CNTNAP3B: variants seen among roughly 807,000 people sequenced by gnomAD.
The protein encoded by CNTNAP3B is contactin-associated protein-like 3B.
A neutral mutation model predicts 108.9 loss-of-function variants in CNTNAP3B; 25 were observed. The ratio of observed to expected loss-of-function variants is 0.23; its 90% CI spans 0.17 to 0.32. The LOEUF is 0.32. Among genes scored for constraint, CNTNAP3B ranks in the 10% least tolerant of loss-of-function variants. The pLI, the probability that CNTNAP3B is intolerant of heterozygous loss-of-function variation, is 1.00. For missense variants in CNTNAP3B, 252 were observed against 1,210.4 expected (o/e 0.21, Z 11.75); for synonymous variants, 103 against 473.4 (o/e 0.22, Z 10.16).
chr9:41,957,696 G>T (rs1824904217), intron 12 of CNTNAP3B, among the ~76,000 whole-genome samples: 1 of 152,094 alleles, frequency 6.6e-6, no homozygotes, highest in Non-Finnish European at 1.5e-5. Flanking sequence ...GTTGTTTAAA[G>T]TCCTGGTCTG....
chr9:41,964,713 A>C, intron 10 of CNTNAP3B, 69 bp from the exon 11 acceptor site: 3 of 1,538,320 alleles, frequency 2.0e-6, no homozygotes. Context: ...CTTACCAAAA[A>C]CAGGTTAATG....
chr9:42,054,586 A>C (rs1478895026), intron 3 of CNTNAP3B, among the ~76,000 whole-genome samples: 1 of 151,698 alleles, frequency 6.6e-6, no homozygotes, highest in Non-Finnish European at 1.5e-5. Flanking sequence ...ACTCTTAGCC[A>C]GGTGCTGTCT....
intron 3 of CNTNAP3B, among the ~76,000 whole-genome samples, chr9:42,024,763 C>A (rs1456550893): frequency 6.9e-6 from 1 of 144,220 alleles, no homozygotes; most frequent in Non-Finnish European, 1.5e-5. Context: ...TCAAAGGTTT[C>A]CTCATTATGT....
At chr9:41,936,031 A>G (rs1824146445) in intron 14 of CNTNAP3B, among the ~76,000 whole-genome samples, 1 of 152,370 alleles carries the variant, frequency 6.6e-6, no homozygotes, top group Admixed American at 6.5e-5. Flanking sequence ...GAAGTCTACA[A>G]TAAAGTATGC....
chr9:42,082,848 A>G (rs1231854144), intron 2 of CNTNAP3B, among the ~76,000 whole-genome samples: 1 of 141,754 alleles, frequency 7.1e-6, no homozygotes, highest in African/African-American at 2.8e-5. Flanking sequence ...CATATAAACA[A>G]TCATATTAAA....
chr9:41,917,148 T>C (rs1421105447), intron 18 of CNTNAP3B, among the ~76,000 whole-genome samples: 1 of 151,928 alleles, frequency 6.6e-6, no homozygotes, highest in African/African-American at 2.4e-5. Context: ...TCTCCTGGTA[T>C]TTTCAATTAC....
chr9:42,035,577 T>C (rs961963189), intron 3 of CNTNAP3B, among the ~76,000 whole-genome samples: 4 of 148,136 alleles, frequency 2.7e-5, no homozygotes, highest in African/African-American at 7.6e-5. Flanking sequence ...ATAGTATATA[T>C]TTCAGAGTGA....
At chr9:42,109,961 AAC>A (rs1828160391) in intron 1 of CNTNAP3B, among the ~76,000 whole-genome samples, 1 of 138,856 alleles carries the variant, frequency 7.2e-6, no homozygotes, top group Non-Finnish European at 1.5e-5. Flanking sequence ...GCACACGGGC[AAC>A]CACAGGAAGC....
At chr9:41,966,219 G>A (rs1825269947) in intron 10 of CNTNAP3B, among the ~76,000 whole-genome samples, 1 of 152,244 alleles carries the variant, frequency 6.6e-6, no homozygotes, top group African/African-American at 2.4e-5. Context: ...TAATATAATG[G>A]AGCATCTTAA....
rs185785009 is a variant in CNTNAP3B at position 42,097,148 on chromosome 9, C to T, written c.196+7481G>A. On this transcript the variant is annotated intron_variant, in intron 2 of 23. Coordinates refer to ENST00000377561, the MANE Select transcript of CNTNAP3B (RefSeq NM_001201380.3). ...TTTCACTCATAAAATTCACCAAGTT[C>T]ACATTGGAAAACATTATTCTATGGT... is the stretch of plus-strand genomic sequence containing the variant. Among the ~76,000 whole-genome samples the T allele has an allele frequency of 4.4e-3, 615 of 140,178 alleles. 43 individuals carry two copies. The highest frequency in any genetic ancestry group is 6.6e-3 in the Non-Finnish European group (431 of 65,136). The allele number at this position is 140,178 out of a possible 152,430, so 92.0% of individuals were successfully genotyped here.
chr9:41,943,165 AC>A (rs1824413527), intron 13 of CNTNAP3B, among the ~76,000 whole-genome samples: 1 of 152,292 alleles, frequency 6.6e-6, no homozygotes, highest in African/African-American at 2.4e-5. Context: ...AGAAGGAAAT[AC>A]AGAGATTAAA....
chr9:42,116,773 A>G (rs1828328470), intron 1 of CNTNAP3B, among the ~76,000 whole-genome samples: 1 of 139,428 alleles, frequency 7.2e-6, no homozygotes, highest in Non-Finnish European at 1.5e-5. Context: ...TGTATTCAGC[A>G]GACCCTGCTC....
chr9:41,914,471 ACTCT>A (rs1823476446), intron 18 of CNTNAP3B, among the ~76,000 whole-genome samples: 1 of 151,822 alleles, frequency 6.6e-6, no homozygotes, highest in African/African-American at 2.4e-5. Flanking sequence ...TTGTCTTTTT[ACTCT>A]CTTGATAGTG....
intron 1 of CNTNAP3B, among the ~76,000 whole-genome samples, chr9:42,117,193 A>G (rs1314118694): frequency 7.4e-6 from 1 of 134,742 alleles, no homozygotes; most frequent in Non-Finnish European, 1.6e-5. Context: ...CATCTACAGA[A>G]CTCTCCACCC....
intron 3 of CNTNAP3B, among the ~76,000 whole-genome samples, chr9:42,056,327 TTATTATTATTA>T (rs201653145): frequency 2.1e-4 from 5 of 23,344 alleles, no homozygotes; most frequent in African/African-American, 4.8e-4. Flanking sequence ...CTCATGAATT[TTATTATTATTA>T]TTATTATTAT....
Position 41,983,219 on chromosome 9 carries a change from T to A in CNTNAP3B, c.1477+2949A>T, listed in dbSNP as rs1431421921. 9.9e-4 allele frequency: 135 copies of A among 136,336 alleles called. 30 individuals carry two copies. Among genetic ancestry groups the A allele is most frequent in the African/African-American group, 3.6e-3 (122 of 34,156 alleles). 8.4% of individuals were successfully genotyped at this position (136,336 alleles called of 1,614,324 possible). On this transcript the variant is annotated intron_variant, in intron 9 of 23. Transcript: ENST00000377561. ...TAAGTTTAAAAAAAAAAGAGAAGCA[T>A]CACGTATTTTCTGTAGGAAATGGGA...
At chr9:42,111,464 C>T (rs1355491858) in intron 1 of CNTNAP3B, among the ~76,000 whole-genome samples, 1 of 138,298 alleles carries the variant, frequency 7.2e-6, no homozygotes, top group Non-Finnish European at 1.5e-5. Context: ...TAGTCACGCT[C>T]CTAAGCTGGT....
intron 1 of CNTNAP3B, among the ~76,000 whole-genome samples, chr9:42,118,272 C>T (rs1262151635): frequency 2.2e-5 from 3 of 139,270 alleles, no homozygotes; most frequent in Non-Finnish European, 4.6e-5. Flanking sequence ...ATGCAAAAAT[C>T]CTCAATAAAA....
intron 10 of CNTNAP3B, among the ~76,000 whole-genome samples, chr9:41,969,478 A>C (rs1427643319): frequency 1.4e-5 from 2 of 144,074 alleles, no homozygotes; most frequent in Admixed American, 7.0e-5. Flanking sequence ...CATCCAACTG[A>C]TGGGTGTGTG....
Sources: gnomAD v4.1 joint callset for allele counts (sites outside exome capture counted in the v4.1 genomes callset) on GRCh38, gnomAD v4.1.1 for gene constraint, MANE v1.5 for transcripts, NCBI Gene and HGNC (gene_info 2026-07-23, HGNC 2026-07-21) for gene names.